Variants in ROR2 observed in about 807,000 individuals in gnomAD.
The protein encoded by ROR2 is ROR family WNT receptor 2, also known as tyrosine-protein kinase transmembrane receptor ROR2.
In ROR2, 33 loss-of-function variants were observed where a neutral mutation model predicts 74.9. That is an observed-to-expected ratio of 0.44 (90% confidence interval 0.33 to 0.59). The LOEUF is 0.59. Among genes scored for constraint, ROR2 ranks in the 20% least tolerant of loss-of-function variants. The pLI, the probability that ROR2 is intolerant of heterozygous loss-of-function variation, is 0.02. For synonymous variants in ROR2, 586 were observed against 558.7 expected (o/e 1.05, Z -0.69); for missense variants, 1,216 against 1,313.8 (o/e 0.93, Z 1.15).
At chr9:91,772,394 G>A (rs1292666628) in intron 2 of ROR2, among the ~76,000 whole-genome samples, 1 of 152,150 alleles carries the variant, frequency 6.6e-6, no homozygotes, top group South Asian at 2.1e-4. Context: ...CCTATGCTGG[G>A]GGTGCTCCCA....
intron 1 of ROR2, among the ~76,000 whole-genome samples, chr9:91,920,670 A>G (rs1292399627): frequency 3.3e-5 from 5 of 152,218 alleles, no homozygotes; most frequent in South Asian, 2.1e-4. Context: ...ACTTGGGAGC[A>G]TATCGACAAA....
intron 1 of ROR2, among the ~76,000 whole-genome samples, chr9:91,870,880 A>G (rs1829776246): frequency 1.3e-5 from 2 of 152,258 alleles, no homozygotes; most frequent in African/African-American, 4.8e-5. Flanking sequence ...AGAGTCAAGA[A>G]AACTCAACAC....
intron 1 of ROR2, among the ~76,000 whole-genome samples, chr9:91,886,057 T>C (rs1830261057): frequency 6.6e-6 from 1 of 151,970 alleles, no homozygotes; most frequent in Admixed American, 6.6e-5. Context: ...GTATTTTTAG[T>C]AGAGACGGGA....
intron 2 of ROR2, among the ~76,000 whole-genome samples, chr9:91,767,535 C>T (rs747016404): frequency 6.6e-6 from 1 of 152,140 alleles, no homozygotes; most frequent in African/African-American, 2.4e-5. Context: ...CTTTGATTAG[C>T]GGGAAATAAA....
intron 1 of ROR2, among the ~76,000 whole-genome samples, chr9:91,844,599 G>A (rs923579692): frequency 3.3e-5 from 5 of 152,174 alleles, no homozygotes; most frequent in East Asian, 1.9e-4. Flanking sequence ...AGGAGGCAGC[G>A]GCTGGGGCTG....
At chr9:91,917,710 A>G (rs918796759) in intron 1 of ROR2, among the ~76,000 whole-genome samples, 3 of 152,038 alleles carry the variant, frequency 2.0e-5, no homozygotes, top group Non-Finnish European at 2.9e-5. Flanking sequence ...TAGGGGAGAG[A>G]GATGCGTGGG....
intron 1 of ROR2, among the ~76,000 whole-genome samples, chr9:91,805,754 G>A (rs1424460673): frequency 6.6e-6 from 1 of 152,110 alleles, no homozygotes; most frequent in Non-Finnish European, 1.5e-5. Flanking sequence ...CAACGCCGAG[G>A]GGTGAATACA....
At chr9:91,754,005 G>A (rs1280017614) in intron 4 of ROR2, among the ~76,000 whole-genome samples, 5 of 151,860 alleles carry the variant, frequency 3.3e-5, no homozygotes, top group Non-Finnish European at 7.4e-5. Context: ...TTAGGTAGAT[G>A]TATGTATGTA....
At chr9:91,877,369 G>A (rs1190382381) in intron 1 of ROR2, among the ~76,000 whole-genome samples, 3 of 152,134 alleles carry the variant, frequency 2.0e-5, no homozygotes, top group African/African-American at 7.2e-5. Flanking sequence ...CCTGTCAGGG[G>A]GTACATGGCT....
chr9:91,811,675 G>T (rs1333079857), intron 1 of ROR2, among the ~76,000 whole-genome samples: 1 of 152,168 alleles, frequency 6.6e-6, no homozygotes, highest in Non-Finnish European at 1.5e-5. Flanking sequence ...CCAGGGCCGG[G>T]GATCCGACAG....
intron 1 of ROR2, among the ~76,000 whole-genome samples, chr9:91,829,549 CAAAA>C (rs34687056): frequency 7.2e-4 from 29 of 40,512 alleles, no homozygotes; most frequent in East Asian, 2.7e-3. Context: ...GACTCCGTCT[CAAAA>C]AAAAAAAAAA....
At chr9:91,862,001 C>A (rs1829482578) in intron 1 of ROR2, among the ~76,000 whole-genome samples, 1 of 151,990 alleles carries the variant, frequency 6.6e-6, no homozygotes, top group African/African-American at 2.4e-5. Context: ...AAGGGTGGGG[C>A]CCCCATGATG....
At chr9:91,924,532 G>A (rs1474987482) in intron 1 of ROR2, among the ~76,000 whole-genome samples, 3 of 152,222 alleles carry the variant, frequency 2.0e-5, no homozygotes, top group African/African-American at 4.8e-5. Flanking sequence ...GATGGCTTAC[G>A]CCTGTAATCC....
intron 4 of ROR2, among the ~76,000 whole-genome samples, chr9:91,746,573 G>A (rs987792393): frequency 1.3e-5 from 2 of 152,044 alleles, no homozygotes; most frequent in African/African-American, 2.4e-5. Flanking sequence ...CGGTGCCTTC[G>A]AATCATCCAC....
At chr9:91,809,342 C>A (rs1827670873) in intron 1 of ROR2, among the ~76,000 whole-genome samples, 1 of 152,216 alleles carries the variant, frequency 6.6e-6, no homozygotes, top group Non-Finnish European at 1.5e-5. Context: ...TTTCAGCTGA[C>A]CCCAACCCTC....
At chr9:91,756,423 G>A (rs1825751808) in intron 3 of ROR2, among the ~76,000 whole-genome samples, 2 of 152,178 alleles carry the variant, frequency 1.3e-5, no homozygotes, top group South Asian at 4.1e-4. Context: ...CAGGGCCGGG[G>A]CGTTTGCTGC....
At chr9:91,727,819 G>A (rs766391367) in intron 7 of ROR2, among the ~76,000 whole-genome samples, 1 of 152,134 alleles carries the variant, frequency 6.6e-6, no homozygotes, top group Non-Finnish European at 1.5e-5. Flanking sequence ...GAGCTAACTC[G>A]GTTCTAAAAG....
At chr9:91,810,435 C>A (rs922764245) in intron 1 of ROR2, among the ~76,000 whole-genome samples, 4 of 152,120 alleles carry the variant, frequency 2.6e-5, no homozygotes, top group Non-Finnish European at 5.9e-5. Context: ...TCTGCTTGAA[C>A]AGATGTTCTC....
chr9:91,764,636 G>A (rs544227613), intron 2 of ROR2, among the ~76,000 whole-genome samples: 1 of 151,648 alleles, frequency 6.6e-6, no homozygotes, highest in Admixed American at 6.6e-5. Flanking sequence ...CTGATTTTAA[G>A]CCTCCAATTA....
Sources: allele counts gnomAD v4.1 joint callset (sites outside exome capture counted in the v4.1 genomes callset), GRCh38; gene constraint gnomAD v4.1.1; transcripts MANE v1.5; gene names NCBI Gene and HGNC (gene_info 2026-07-23, HGNC 2026-07-21).